The following GRM7 variants were observed in gnomAD, a reference collection of about 807,000 sequenced individuals.
GRM7 encodes the protein metabotropic glutamate receptor 7.
GRM7 carries 35 observed loss-of-function variants against 84.5 expected under a neutral mutation model. The observed-to-expected ratio is 0.41, with a 90% confidence interval of 0.32 to 0.55. The LOEUF is 0.55. Ranked by LOEUF, GRM7 falls within the 20% of genes least tolerant of loss-of-function variation. The pLI, the probability that GRM7 is intolerant of heterozygous loss-of-function variation, is 0.19. For synonymous variants in GRM7, 487 were observed against 455.1 expected (o/e 1.07, Z -0.89); for missense variants, 1,003 against 1,194.6 (o/e 0.84, Z 2.36).
At chr3:6,947,222 G>C (rs527847925) in intron 1 of GRM7, among the ~76,000 whole-genome samples, 2 of 152,138 alleles carry the variant, frequency 1.3e-5, no homozygotes, top group Non-Finnish European at 2.9e-5. Context: ...TTTGAGCTAT[G>C]TCCCATCAAT....
In GRM7 at chr3:6,861,793, C is replaced by G. The variant is rs768245157; in HGVS notation, c.405C>G (p.Arg135=). 6 of 1,614,044 alleles carry G rather than the reference C, an allele frequency of 3.7e-6. No individual in the cohort carries two copies. The highest frequency in any genetic ancestry group is 2.7e-5 in the African/African-American group (2 of 74,950). The change falls in exon 1 of 10, where the codon CGC becomes CGG. Residue 135 remains arginine (R), a synonymous_variant. Transcript: ENST00000357716. The surrounding 1 kb of genome is among the most constrained non-coding windows in gnomAD (Gnocchi z 6.4). The part of the protein sequence containing the change: ...ALIQKDTSDV[R]CTNGEPPVFV... ...TCCAGAAGGACACCTCCGACGTGCG[C>G]TGCACCAACGGCGAACCGCCGGTTT...
At chr3:7,447,501 T>A (rs1168645658) in intron 5 of GRM7, among the ~76,000 whole-genome samples, 1 of 152,082 alleles carries the variant, frequency 6.6e-6, no homozygotes, top group African/African-American at 2.4e-5. Flanking sequence ...GAAGACCATG[T>A]GGAGGGTGAT....
intron 7 of GRM7, among the ~76,000 whole-genome samples, chr3:7,487,034 A>G (rs2124944748): frequency 6.6e-6 from 1 of 152,340 alleles, no homozygotes; most frequent in East Asian, 1.9e-4. Context: ...CTTAGATAAA[A>G]ATAAGGAGTA....
chr3:7,322,692 A>G (rs113074875), intron 4 of GRM7, among the ~76,000 whole-genome samples: 72 of 152,164 alleles, frequency 4.7e-4, no homozygotes, highest in African/African-American at 1.6e-3. Context: ...CACTTAGAAT[A>G]ATGGTCTCCA....
In GRM7 at chr3:6,861,814, G is replaced by A. The variant is rs375507054; in HGVS notation, c.426G>A (p.Pro142=). ...TGCGCTGCACCAACGGCGAACCGCC[G>A]GTTTTCGTCAAGCCGGAGAAAGTAG... ...SDVRCTNGEP[P]VFVKPEKVVG... Residue 142 remains proline, a synonymous_variant, in exon 1 of 10, where the codon CCG becomes CCA. Coordinates refer to ENST00000357716, the MANE Select transcript of GRM7 (RefSeq NM_000844.4). The surrounding 1 kb of genome is among the most constrained non-coding windows in gnomAD (Gnocchi z 6.4). The A allele has an allele frequency of 7.6e-5, 123 of 1,614,066 alleles. No individual in the cohort carries two copies. Among genetic ancestry groups the A allele is most frequent in the Non-Finnish European group, 9.7e-5 (115 of 1,180,032 alleles).
Position 7,439,201 on chromosome 3 carries a change from A to G in GRM7, c.1175-13406A>G, listed in dbSNP as rs373185813. 1.2e-4 allele frequency among the ~76,000 whole-genome samples: 19 copies of G among 152,280 alleles called. No homozygotes were observed. In the East Asian group the frequency reaches 1.5e-3, roughly 12 times the overall value. Reference sequence around the variant, plus strand: ...TCTGTACATCTTGTGAGCAGAGACAATGACCACTTTTTTTCCAGACTACCT... The same window carrying G: ...TCTGTACATCTTGTGAGCAGAGACAGTGACCACTTTTTTTCCAGACTACCT... On this transcript the variant is annotated intron_variant, in intron 5 of 9. Transcript: ENST00000357716.
At chr3:7,088,638 C>A (rs192851758) in intron 1 of GRM7, among the ~76,000 whole-genome samples, 1 of 83,690 alleles carries the variant, frequency 1.2e-5, no homozygotes, top group Non-Finnish European at 2.2e-5. Flanking sequence ...TTTGTTCATT[C>A]TTTCTACCTC....
chr3:6,899,299 A>G (rs566991266), intron 1 of GRM7, among the ~76,000 whole-genome samples: 2 of 152,332 alleles, frequency 1.3e-5, no homozygotes, highest in Admixed American at 1.3e-4. Flanking sequence ...AAAATGTACT[A>G]GGAAATTAAT....
chr3:7,401,254 G>T (rs1246407599), intron 4 of GRM7, among the ~76,000 whole-genome samples: 1 of 152,104 alleles, frequency 6.6e-6, no homozygotes, highest in Non-Finnish European at 1.5e-5. Flanking sequence ...CAGGTAGCAA[G>T]CACAGGCCCT....
chr3:7,207,487 C>T (rs1414828199), intron 2 of GRM7, among the ~76,000 whole-genome samples: 1 of 152,098 alleles, frequency 6.6e-6, no homozygotes, highest in Non-Finnish European at 1.5e-5. Flanking sequence ...TCACCTTATC[C>T]CCTTCACATA....
At chr3:7,294,976 T>C (rs1206217839) in intron 2 of GRM7, among the ~76,000 whole-genome samples, 1 of 152,224 alleles carries the variant, frequency 6.6e-6, no homozygotes, top group African/African-American at 2.4e-5. Context: ...GTTTTCTCAA[T>C]GCTGTCTTTC....
At chr3:7,726,613 C>CTATATATA (rs56250356) in intron 9 of GRM7, among the ~76,000 whole-genome samples, 134 of 58,012 alleles carry the variant, frequency 2.3e-3, no homozygotes, top group Non-Finnish European at 3.0e-3. Context: ...CTCTCTCCCT[C>CTATATATA]TATATATATA....
intron 4 of GRM7, among the ~76,000 whole-genome samples, chr3:7,333,520 A>C (rs1460643229): frequency 1.3e-5 from 2 of 152,172 alleles, no homozygotes; most frequent in Non-Finnish European, 2.9e-5. Context: ...CCACTGAAAC[A>C]ACTGAACCAG....
chr3:7,709,090 A>C (rs1348734090), intron 9 of GRM7, among the ~76,000 whole-genome samples: 1 of 147,666 alleles, frequency 6.8e-6, no homozygotes, highest in Non-Finnish European at 1.5e-5. Flanking sequence ...AAAAATCTCA[A>C]CTTTTTTGTG....
intron 7 of GRM7, among the ~76,000 whole-genome samples, chr3:7,550,695 C>CT (rs1239059395): frequency 6.7e-6 from 1 of 150,196 alleles, no homozygotes; most frequent in East Asian, 2.0e-4. Context: ...CCAGACCTTT[C>CT]TTTGCTGTGT....
chr3:6,970,216 T>C (rs1324149909), intron 1 of GRM7, among the ~76,000 whole-genome samples: 1 of 151,970 alleles, frequency 6.6e-6, no homozygotes, highest in African/African-American at 2.4e-5. Context: ...GCTCCAAGAC[T>C]TTCCCTTCCG....
At chr3:7,201,028 G>A (rs1461497214) in intron 2 of GRM7, among the ~76,000 whole-genome samples, 1 of 140,546 alleles carries the variant, frequency 7.1e-6, no homozygotes, top group Non-Finnish European at 1.5e-5. Context: ...GGAGTGCAGT[G>A]GCACGATCTC....
At chr3:7,521,295 T>G (rs1700583945) in intron 7 of GRM7, among the ~76,000 whole-genome samples, 1 of 152,188 alleles carries the variant, frequency 6.6e-6, no homozygotes, top group Admixed American at 6.5e-5. Flanking sequence ...TCTTGGTCAT[T>G]GCTATGGTCT....
chr3:7,395,214 G>A (rs1695162092), intron 4 of GRM7, among the ~76,000 whole-genome samples: 1 of 152,022 alleles, frequency 6.6e-6, no homozygotes, highest in Non-Finnish European at 1.5e-5. Context: ...AGCCATTTGA[G>A]TTACATCTAT....
Sources: gnomAD v4.1 joint callset for allele counts (sites outside exome capture counted in the v4.1 genomes callset) on GRCh38, gnomAD v4.1.1 for gene constraint, Gnocchi (gnomAD v3.1) non-coding constraint, MANE v1.5 for transcripts, NCBI Gene and HGNC (gene_info 2026-07-23, HGNC 2026-07-21) for gene names.